The following ADD1 variants were observed in gnomAD, a reference collection of about 807,000 sequenced individuals.
ADD1 encodes adducin 1, also known as alpha-adducin.
Under a neutral mutation model 80.5 loss-of-function variants are expected in ADD1, and 24 were observed. That is an observed-to-expected ratio of 0.30 (90% CI 0.22 to 0.42). The LOEUF (loss-of-function observed/expected upper bound fraction) is 0.42, where lower values mean the gene tolerates loss of function less well. Among genes scored for constraint, ADD1 ranks in the 10% least tolerant of loss-of-function variants. ADD1 has a pLI of 1.00. For synonymous variants in ADD1, 373 were observed against 393.8 expected (o/e 0.95, Z 0.63); for missense variants, 948 against 1,019.0 (o/e 0.93, Z 0.95).
Position 2,884,492 on chromosome 4 carries a change from A to G in ADD1, c.359-23A>G, listed in dbSNP as rs765441601. 1.9e-6 allele frequency: 3 copies of G among 1,582,586 alleles called. No homozygotes were observed. In the South Asian group the frequency reaches 3.4e-5, roughly 18 times the overall value. The stretch of plus-strand genomic sequence containing the variant: ...AGGCGTATACCACTGCACCTGGCTG[A>G]GTTTTGTTTTTCTTTATTTCAGGTC... On this transcript the variant is annotated intron_variant, in intron 3 of 15. Coordinates refer to ENST00000683351, the MANE Select transcript of ADD1 (RefSeq NM_001354761.2).
intron 1 of ADD1, among the ~76,000 whole-genome samples, chr4:2,860,269 G>A (rs16843490): frequency 0.01 from 1,576 of 152,182 alleles, 26 homozygotes; most frequent in African/African-American, 0.037. Flanking sequence ...TACTAGCTAC[G>A]TTTGCTTTAT....
chr4:2,850,677 G>A (rs1577411173), intron 1 of ADD1, among the ~76,000 whole-genome samples: 1 of 152,138 alleles, frequency 6.6e-6, no homozygotes, highest in African/African-American at 2.4e-5. Context: ...CGCCCGCCTC[G>A]GCCTCCCAAA....
At chr4:2,863,910 AAAGAT>A (rs1401212061) in intron 1 of ADD1, among the ~76,000 whole-genome samples, 4 of 152,140 alleles carry the variant, frequency 2.6e-5, no homozygotes, top group African/African-American at 4.8e-5. Context: ...GTCCCAGAGA[AAAGAT>A]AAGAAAGAAA....
chr4:2,848,785 G>C (rs1726638526), intron 1 of ADD1, among the ~76,000 whole-genome samples: 1 of 152,186 alleles, frequency 6.6e-6, no homozygotes, highest in East Asian at 1.9e-4. Context: ...CCTGTTTCCA[G>C]GTTTTTACTG....
chr4:2,921,272 T>G (rs1265162456), intron 14 of ADD1, among the ~76,000 whole-genome samples: 3 of 152,068 alleles, frequency 2.0e-5, no homozygotes. Context: ...GGACTACAGG[T>G]GCACGCCAGC....
At chr4:2,881,868 G>A (rs1368681946) in intron 2 of ADD1, 30 bp from the exon 3 acceptor site, 2 of 1,568,378 alleles carry the variant, frequency 1.3e-6, no homozygotes, top group Admixed American at 1.9e-5. Flanking sequence ...AAAATAAATG[G>A]TATCTCAGTG....
chr4:2,895,177 G>T (rs1438001239), intron 6 of ADD1, among the ~76,000 whole-genome samples: 1 of 152,132 alleles, frequency 6.6e-6, no homozygotes, highest in African/African-American at 2.4e-5. Context: ...AAGATTTTGA[G>T]CCAAGGATGT....
chr4:2,914,677 T>C (rs968950696), intron 13 of ADD1: 5 of 510,416 alleles, frequency 9.8e-6, no homozygotes, highest in Non-Finnish European at 1.7e-5. Flanking sequence ...GGTTAATATC[T>C]GTTCATCGTG....
In ADD1 at chr4:2,875,586, A is replaced by G. The variant is rs139327645; in HGVS notation, c.-20-310A>G. On this transcript the variant is annotated intron_variant, in intron 1 of 15. Coordinates refer to ENST00000683351, the MANE Select transcript of ADD1 (RefSeq NM_001354761.2). ...ATGTCTGTAAAGAATCACGTGGTCA[A>G]AAGTTTAATATTTAGTTCTTTTTGG... 1.1e-3 allele frequency among the ~76,000 whole-genome samples: 166 copies of G among 152,352 alleles called. 1 individual carries two copies. Among genetic ancestry groups the G allele is most frequent in the Admixed American group, 3.6e-3 (55 of 15,310 alleles).
chr4:2,872,620 C>T (rs2108876520), intron 1 of ADD1, among the ~76,000 whole-genome samples: 1 of 152,328 alleles, frequency 6.6e-6, no homozygotes, highest in East Asian at 1.9e-4. Context: ...TGTAGTGGTG[C>T]CATCATGGCT....
intron 1 of ADD1, among the ~76,000 whole-genome samples, chr4:2,857,452 A>G (rs1201011229): frequency 6.6e-6 from 1 of 152,094 alleles, no homozygotes; most frequent in Non-Finnish European, 1.5e-5. Context: ...TACATAAAAT[A>G]CAAAAATTAG....
intron 4 of ADD1, among the ~76,000 whole-genome samples, chr4:2,886,226 T>C (rs772267278): frequency 1.3e-5 from 2 of 152,206 alleles, no homozygotes; most frequent in Non-Finnish European, 2.9e-5. Context: ...CACACACACA[T>C]GGGTTTTTCT....
intron 2 of ADD1, among the ~76,000 whole-genome samples, chr4:2,879,420 A>G (rs1008951783): frequency 6.6e-6 from 1 of 152,194 alleles, no homozygotes; most frequent in African/African-American, 2.4e-5. Context: ...CTTAGTGTCT[A>G]AAACAGCGCC....
intron 15 of ADD1, among the ~76,000 whole-genome samples, chr4:2,927,791 A>C (rs1335286582): frequency 2.0e-5 from 3 of 152,300 alleles, no homozygotes; most frequent in Middle Eastern, 3.4e-3. Flanking sequence ...TTTCAGTACT[A>C]CTAGTACATG....
intron 4 of ADD1, among the ~76,000 whole-genome samples, chr4:2,885,825 T>G (rs1054105518): frequency 1.3e-5 from 2 of 152,114 alleles, no homozygotes; most frequent in Non-Finnish European, 2.9e-5. Flanking sequence ...TTAGCCAGGA[T>G]GGTCTCGATC....
At chr4:2,846,816 TAAA>T (rs761045902) in intron 1 of ADD1, among the ~76,000 whole-genome samples, 8 of 117,600 alleles carry the variant, frequency 6.8e-5, no homozygotes, top group Admixed American at 9.1e-5. Context: ...TCTGTCTCTT[TAAA>T]AAAAAAAAAA....
At chr4:2,898,038 T>C in intron 6 of ADD1, 146 bp from the exon 7 acceptor site, 5 of 1,084,210 alleles carry the variant, frequency 4.6e-6, no homozygotes, top group Non-Finnish European at 6.6e-6. Context: ...AAACCAAGTT[T>C]GTCTTAAGTT....
At chr4:2,878,718 A>C (rs902468813) in intron 2 of ADD1, among the ~76,000 whole-genome samples, 1 of 151,986 alleles carries the variant, frequency 6.6e-6, no homozygotes, top group Non-Finnish European at 1.5e-5. Flanking sequence ...TGAGTTTAGG[A>C]GTTTGAGGCT....
At chr4:2,895,786 G>A (rs1484865736) in intron 6 of ADD1, among the ~76,000 whole-genome samples, 1 of 152,176 alleles carries the variant, frequency 6.6e-6, no homozygotes, top group Non-Finnish European at 1.5e-5. Flanking sequence ...AATGTCATGT[G>A]AAAGCACAGT....
Sources: allele counts gnomAD v4.1 joint callset (sites outside exome capture counted in the v4.1 genomes callset), GRCh38; gene constraint gnomAD v4.1.1; transcripts MANE v1.5; gene names NCBI Gene and HGNC (gene_info 2026-07-23, HGNC 2026-07-21).